Variants in CCDC122 observed in about 807,000 individuals in gnomAD.
CCDC122 encodes coiled-coil domain-containing protein 122.
In CCDC122, 38 loss-of-function variants were observed where a neutral mutation model predicts 37.0. That is an observed-to-expected ratio of 1.03 (90% confidence interval 0.79 to 1.35). The LOEUF (loss-of-function observed/expected upper bound fraction) is 1.35, where lower values mean the gene tolerates loss of function less well. Ranked by LOEUF, CCDC122 falls within the 40% of genes most tolerant of loss-of-function variation. The pLI, the probability that CCDC122 is intolerant of heterozygous loss-of-function variation, is 0.00. For synonymous variants in CCDC122, 83 were observed against 95.6 expected, an observed-to-expected ratio of 0.87 and a Z score of 0.77; for missense variants, 305 against 310.0, an observed-to-expected ratio of 0.98 and a Z score of 0.12.
intron 3 of CCDC122, among the ~76,000 whole-genome samples, chr13:43,825,048 T>G (rs1953026796): frequency 6.6e-6 from 1 of 152,172 alleles, no homozygotes; most frequent in South Asian, 2.1e-4. Context: ...CATTACTGGG[T>G]ATATACTCAA....
At chr13:43,858,683 G>T in intron 6 of CCDC122, 98 bp downstream of exon 6, 2 of 862,696 alleles carry the variant, frequency 2.3e-6, no homozygotes, top group Non-Finnish European at 3.2e-6. Context: ...TTCTTCAACT[G>T]TTTTGAGTAT....
chr13:43,846,658 T>C (rs1422846402), intron 6 of CCDC122, among the ~76,000 whole-genome samples: 1 of 152,174 alleles, frequency 6.6e-6, no homozygotes, highest in Non-Finnish European at 1.5e-5. Flanking sequence ...GTTGTGGGAA[T>C]TGGGCAGTTG....
intron 6 of CCDC122, among the ~76,000 whole-genome samples, chr13:43,852,293 G>A (rs1953764438): frequency 6.6e-6 from 1 of 152,064 alleles, no homozygotes; most frequent in African/African-American, 2.4e-5. Context: ...GAACCTAAGT[G>A]ACCTGATAGA....
At chr13:43,855,333 T>C (rs1462809922) in intron 6 of CCDC122, 1 of 147,794 alleles carries the variant, frequency 6.8e-6, no homozygotes, top group East Asian at 2.0e-4. Flanking sequence ...ATAACACCAA[T>C]CAAACTGAGT....
chr13:43,829,555 C>T (rs1594810268), intron 3 of CCDC122, among the ~76,000 whole-genome samples: 1 of 152,110 alleles, frequency 6.6e-6, no homozygotes, highest in Non-Finnish European at 1.5e-5. Flanking sequence ...ATCTGCCTGC[C>T]TTGACCTCCC....
intron 1 of CCDC122, chr13:43,877,637 T>G (rs537642516): frequency 6.6e-6 from 1 of 152,334 alleles, no homozygotes; most frequent in East Asian, 1.9e-4. Context: ...GAACAAAAAG[T>G]AGCAGTTAGG....
At chr13:43,834,108 G>A (rs1190702260), downstream of CCDC122, among the ~76,000 whole-genome samples, 1 of 152,128 alleles carries the variant, frequency 6.6e-6, no homozygotes, top group Non-Finnish European at 1.5e-5. Context: ...AGAAAGAACA[G>A]AGATATAGAC....
chr13:43,855,220 G>GA (rs1953865728), intron 6 of CCDC122: 1 of 152,080 alleles, frequency 6.6e-6, no homozygotes, highest in Admixed American at 6.6e-5. Context: ...GCTATATCTA[G>GA]AAAACCCAAC....
intron 3 of CCDC122, among the ~76,000 whole-genome samples, chr13:43,830,855 G>A (rs912123532): frequency 5.3e-5 from 8 of 152,176 alleles, no homozygotes; most frequent in African/African-American, 1.9e-4. Context: ...TTATGGCTGT[G>A]TAGGGACTGA....
chr13:43,854,709 G>A (rs988552376), intron 6 of CCDC122: 1 of 152,122 alleles, frequency 6.6e-6, no homozygotes, highest in South Asian at 2.1e-4. Context: ...GATGAACATC[G>A]ATGCAAAAAT....
intron 6 of CCDC122, among the ~76,000 whole-genome samples, chr13:43,841,691 A>T (rs1953358564): frequency 6.6e-6 from 1 of 151,758 alleles, no homozygotes; most frequent in Admixed American, 6.6e-5. Flanking sequence ...TACTTTTGTG[A>T]TTCTGTCTTT....
At chr13:43,873,344 T>C (rs1954505115) in intron 2 of CCDC122, among the ~76,000 whole-genome samples, 2 of 152,274 alleles carry the variant, frequency 1.3e-5, no homozygotes, top group East Asian at 1.9e-4. Context: ...ACTCAATATA[T>C]CACAAACTGA....
At chr13:43,871,107 T>C (rs1048337767) in intron 2 of CCDC122, among the ~76,000 whole-genome samples, 3 of 152,128 alleles carry the variant, frequency 2.0e-5, no homozygotes, top group African/African-American at 7.2e-5. Context: ...AAAATACTCA[T>C]GGATAAGTGG....
At chr13:43,853,038 G>T (rs1391011304) in intron 6 of CCDC122, among the ~76,000 whole-genome samples, 1 of 152,050 alleles carries the variant, frequency 6.6e-6, no homozygotes, top group Admixed American at 6.6e-5. Flanking sequence ...AAAACACACT[G>T]AAGTACACAG....
downstream of CCDC122, among the ~76,000 whole-genome samples, chr13:43,831,460 A>G (rs1011341095): frequency 5.9e-5 from 9 of 152,188 alleles, no homozygotes; most frequent in Non-Finnish European, 8.8e-5. Flanking sequence ...CATCTCAAGG[A>G]AGCCTCTCCA....
At chr13:43,859,314 A>G (rs1954028792) in intron 5 of CCDC122, among the ~76,000 whole-genome samples, 1 of 152,156 alleles carries the variant, frequency 6.6e-6, no homozygotes, top group Admixed American at 6.5e-5. Flanking sequence ...TAAGTGTACT[A>G]AATTGATTTG....
intron 3 of CCDC122, among the ~76,000 whole-genome samples, chr13:43,825,349 G>A (rs545405116): frequency 6.6e-6 from 1 of 152,274 alleles, no homozygotes; most frequent in South Asian, 2.1e-4. Context: ...GGAGCTAAAT[G>A]CTGGATACAC....
In CCDC122 at chr13:43,860,081, T is replaced by G; in HGVS notation, c.157-11A>C. On this transcript the variant is annotated splice_polypyrimidine_tract_variant and intron_variant, in intron 4 of 6. Coordinates refer to ENST00000444614, the MANE Select transcript of CCDC122 (RefSeq NM_144974.5). The stretch of plus-strand genomic sequence containing the variant: ...CTCATGAAGTTCATTCTGTAATACA[T>G]TTTAACATTATCATTATTAATTCAA... 7.3e-7 allele frequency: 1 copy of G among 1,362,648 alleles called. No homozygotes were observed. The highest frequency in any genetic ancestry group is 1.8e-5 in the South Asian group (1 of 55,832). 84.4% of individuals were successfully genotyped at this position (1,362,648 alleles called of 1,614,324 possible).
chr13:43,863,955 C>T (rs1317737705), intron 4 of CCDC122, among the ~76,000 whole-genome samples: 1 of 152,028 alleles, frequency 6.6e-6, no homozygotes, highest in Non-Finnish European at 1.5e-5. Context: ...TGTTTTCTTC[C>T]AGATATTTTT....
Sources: allele counts gnomAD v4.1 joint callset (sites outside exome capture counted in the v4.1 genomes callset), GRCh38; gene constraint gnomAD v4.1.1; transcripts MANE v1.5; gene names NCBI Gene and HGNC (gene_info 2026-07-23, HGNC 2026-07-21).